Variants in BAG6 observed in about 807,000 individuals in gnomAD.
The protein encoded by BAG6 is large proline-rich protein BAG6.
Under a neutral mutation model 121.0 loss-of-function variants are expected in BAG6, and 22 were observed. The ratio of observed to expected loss-of-function variants is 0.18; its 90% CI spans 0.13 to 0.26. BAG6 has a LOEUF of 0.26. BAG6 is among the 10% of genes least tolerant of loss of function. The pLI is 1.00. For missense variants in BAG6, 1,233 were observed against 1,537.7 expected (o/e 0.80, Z 3.31); for synonymous variants, 583 against 584.6 (o/e 1.00, Z 0.04).
chr6:31,642,786 CG>C (rs1784249474), intron 15 of BAG6, 42 bp downstream of exon 15: 6 of 1,597,778 alleles, frequency 3.8e-6, no homozygotes, highest in Non-Finnish European at 4.3e-6. Flanking sequence ...CTGGCTGGGC[CG>C]GGGGACAGGA....
chr6:31,643,250 A>C, intron 14 of BAG6, 135 bp from the exon 15 acceptor site: 1 of 836,496 alleles, frequency 1.2e-6, no homozygotes, highest in Non-Finnish European at 1.8e-6. Flanking sequence ...CCCCATCTCT[A>C]CCAGAAAAAA....
chr6:31,643,260 A>C, intron 14 of BAG6, 145 bp from the exon 15 acceptor site: 3 of 803,666 alleles, frequency 3.7e-6, no homozygotes, highest in Non-Finnish European at 3.8e-6. Context: ...ACCAGAAAAA[A>C]AAAAAGACAA....
At chr6:31,643,786 T>A in intron 14 of BAG6, 104 bp downstream of exon 14, 2 of 866,668 alleles carry the variant, frequency 2.3e-6, no homozygotes, top group Admixed American at 2.4e-5. Context: ...GCAGCCCCAT[T>A]CCAGGAAAGC....
At position 31,645,530 on chromosome 6, in the gene BAG6, A is replaced by G; in HGVS notation, c.993T>C (p.Phe331=). 1.9e-6 allele frequency: 3 copies of G among 1,613,144 alleles called. No homozygotes were observed. Among genetic ancestry groups the G allele is most frequent in the Non-Finnish European group, 2.5e-6 (3 of 1,180,046 alleles). The change falls in exon 9 of 26, where the codon TTT becomes TTC. Residue 331 remains phenylalanine, a synonymous_variant. Transcript: ENST00000676615. ...GESLRLLGNT[F]VALSDLRCNL... ...TGCAGCGCAGGTCAGACAGTGCAAC[A>G]AAGGTGTTGCCCAGCAGTCGCAGGC... is the stretch of plus-strand genomic sequence containing the variant.
Position 31,644,260 on chromosome 6 carries a change from C to A in BAG6, c.1555+47G>T. 6.4e-7 allele frequency: 1 copy of A among 1,564,240 alleles called. No individual in the cohort carries two copies. The highest frequency in any genetic ancestry group is 8.7e-7 in the Non-Finnish European group (1 of 1,154,208). On this transcript the variant is annotated intron_variant, in intron 12 of 25. Coordinates refer to ENST00000676615, the MANE Select transcript of BAG6 (RefSeq NM_001387994.1). This position sits in a 1 kb window ranked among gnomAD's most constrained non-coding sequence, Gnocchi z 4.9. Reference sequence around the variant, plus strand: ...CCAGGCCCTTGCCAGCCAGCTGCCACCATGGACTGTGCCCTACCTCCCAAG... The same window carrying A: ...CCAGGCCCTTGCCAGCCAGCTGCCAACATGGACTGTGCCCTACCTCCCAAG...
Position 31,646,431 on chromosome 6 carries a change from A to G in BAG6, c.881T>C (p.Val294Ala). The G allele has an allele frequency of 6.2e-7, 1 of 1,612,872 alleles. No homozygotes were observed. Among genetic ancestry groups the G allele is most frequent in the Non-Finnish European group, 8.5e-7 (1 of 1,179,986 alleles). ...LQPFLQRYYE[V>A]LGAAATTDYN... ...GTCCGTGGTGGCAGCAGCACCCAGA[A>G]CCTCGTAGTAGCGCTGCAAGAAGGG... Residue 294 changes from valine to alanine, a missense_variant, in exon 8 of 26, where the codon GTT becomes GCT. Transcript: ENST00000676615.
rs745570214 is a variant in BAG6 at position 31,640,656 on chromosome 6, G to T, written c.2983C>A (p.Pro995Thr). 2 of 1,612,858 alleles carry T rather than the reference G, an allele frequency of 1.2e-6. No homozygotes were observed. Residue 995 changes from proline (P) to threonine (T), a missense_variant, in exon 22 of 26, where the codon CCT (proline) becomes ACT (threonine). By Grantham distance (38) the Pro-to-Thr change is conservative. Coordinates refer to ENST00000676615, the MANE Select transcript of BAG6 (RefSeq NM_001387994.1). This position sits in a 1 kb window ranked among gnomAD's most constrained non-coding sequence, Gnocchi z 4.2. ...CCTCTCTAGAGTACCTGAGGCTCAG[G>T]GGAAGCTCTTTCTGCTCCCTGAACT... ...MEVQGAERASPEPQRENASPA... is the reference protein window; with the variant it reads ...MEVQGAERASTEPQRENASPA...
chr6:31,651,413 C>A (rs1796582296), intron 2 of BAG6, among the ~76,000 whole-genome samples: 1 of 152,168 alleles, frequency 6.6e-6, no homozygotes, highest in African/African-American at 2.4e-5. Context: ...GTGGCACACG[C>A]CTATAATCCC....
Position 31,640,309 on chromosome 6 carries a change from G to T in BAG6, c.3139-3C>A. The T allele has an allele frequency of 6.2e-7, 1 of 1,614,176 alleles. No individual in the cohort carries two copies. Among genetic ancestry groups the T allele is most frequent in the Non-Finnish European group, 8.5e-7 (1 of 1,180,018 alleles). On this transcript the variant is annotated splice_region_variant and splice_polypyrimidine_tract_variant and intron_variant, in intron 23 of 25. Coordinates refer to ENST00000676615, the MANE Select transcript of BAG6 (RefSeq NM_001387994.1). This position sits in a 1 kb window ranked among gnomAD's most constrained non-coding sequence, Gnocchi z 4.2. ...TGCTGGATAATAGGGACCCATTCCT[G>T]GGGAGGAAAAGAGAAAATAGTAATG...
rs1789335924 is a variant in BAG6, at chr6:31,646,447, G to C, written c.865C>G (p.Gln289Glu). The C allele has an allele frequency of 6.2e-7, 1 of 1,612,982 alleles. No individual in the cohort carries two copies. The highest frequency in any genetic ancestry group is 1.3e-5 in the African/African-American group (1 of 75,020). The stretch of plus-strand genomic sequence containing the variant: ...GCACCCAGAACCTCGTAGTAGCGCT[G>C]CAAGAAGGGCTGGAGGCGACTCTCC... ...RLESRLQPFL[Q>E]RYYEVLGAAA... Residue 289 changes from glutamine to glutamate, a missense_variant, in exon 8 of 26, where the codon CAG (glutamine) becomes GAG (glutamate). This residue lies in a region of BAG6 where 777 missense variants were observed against 861.4 expected (regional missense o/e 0.90). Coordinates refer to ENST00000676615, the MANE Select transcript of BAG6 (RefSeq NM_001387994.1).
chr6:31,643,721 C>CAAAAAAAAAAAAAA lies in BAG6; in HGVS notation c.1756+155_1756+168dup, dbSNP rs9281540. Among the ~76,000 whole-genome samples the CAAAAAAAAAAAAAA allele has an allele frequency of 5.3e-4, 35 of 66,264 alleles. 2 individuals carry two copies. Among genetic ancestry groups the CAAAAAAAAAAAAAA allele is most frequent in the Non-Finnish European group, 6.5e-4 (26 of 39,984 alleles). The allele number at this position is 66,264 out of a possible 152,430, so 43.5% of individuals were successfully genotyped here. A position where few individuals can be genotyped will look rare whatever the true frequency, so the allele number is the denominator to read the frequency against. The stretch of plus-strand genomic sequence containing the variant: ...CTAGCAACAGAGTGAGACTCCATCT[C>CAAAAAAAAAAAAAA]AAAAAAAAAAAAAAAAAAAAAAAAA... On this transcript the variant is annotated intron_variant, in intron 14 of 25. Coordinates refer to ENST00000676615, the MANE Select transcript of BAG6 (RefSeq NM_001387994.1).
intron 14 of BAG6, 132 bp downstream of exon 14, chr6:31,643,758 A>C: frequency 1.6e-6 from 1 of 622,886 alleles, no homozygotes; most frequent in South Asian, 2.3e-5. Flanking sequence ...CTGAAACCTG[A>C]AGACACAAGA....
chr6:31,645,848 T>C (rs2150875692), intron 8 of BAG6, among the ~76,000 whole-genome samples: 1 of 152,362 alleles, frequency 6.6e-6, no homozygotes, highest in East Asian at 1.9e-4. Flanking sequence ...GTACTTTACA[T>C]TTTCTAAATT....
In BAG6 at chr6:31,643,856, T is replaced by C; in HGVS notation, c.1756+34A>G. Reference sequence around the variant, plus strand: ...GCCAGTGAGCAGACTAGGAAAGGAGTTTAAACTCTGAGTGGGGAAGAATGA... The same window carrying C: ...GCCAGTGAGCAGACTAGGAAAGGAGCTTAAACTCTGAGTGGGGAAGAATGA... On this transcript the variant is annotated intron_variant, in intron 14 of 25. Coordinates refer to ENST00000676615, the MANE Select transcript of BAG6 (RefSeq NM_001387994.1). 3.7e-6 allele frequency: 6 copies of C among 1,601,954 alleles called. No homozygotes were observed. In the Middle Eastern group the frequency reaches 1.0e-3, roughly 266 times the overall value.
intron 7 of BAG6, 134 bp from the exon 8 acceptor site, chr6:31,646,657 G>GA: frequency 8.6e-7 from 1 of 1,168,654 alleles, no homozygotes; most frequent in Non-Finnish European, 1.2e-6. Flanking sequence ...TGGACCAGCA[G>GA]AGCTTCTATT....
chr6:31,645,046 C>G lies in BAG6; in HGVS notation c.1269G>C (p.Pro423=). Residue 423 remains proline (P), a synonymous_variant, in exon 10 of 26, where the codon CCG becomes CCC. Transcript: ENST00000676615. ...TGGCTGGCGGGGGAGCTGGACCTGG[C>G]GGGGGAGCCCCCTCAGCTGAGGACT... ...NVESSAEGAP[P]PGPAPPPATS... is the part of the protein sequence containing the mutation. 6.2e-7 allele frequency: 1 copy of G among 1,612,638 alleles called. No individual in the cohort carries two copies. The highest frequency in any genetic ancestry group is 8.5e-7 in the Non-Finnish European group (1 of 1,179,840).
Position 31,647,828 on chromosome 6 carries a change from TG to T in BAG6, c.553-3del. The T allele has an allele frequency of 6.5e-7, 1 of 1,537,740 alleles. No individual in the cohort carries two copies. The highest frequency in any genetic ancestry group is 8.7e-7 in the Non-Finnish European group (1 of 1,147,004). ...CTGCGGTTGGGGCCCTCCTCGACAC[TG>T]AAGGTAGGGGAGAGTCAGGATACCA... On this transcript the variant is annotated splice_region_variant and splice_polypyrimidine_tract_variant and intron_variant, in intron 6 of 25. Coordinates refer to ENST00000676615, the MANE Select transcript of BAG6 (RefSeq NM_001387994.1).
Position 31,642,813 on chromosome 6 carries a change from C to T in BAG6, c.2043+16G>A. 1 of 1,607,778 alleles carries T rather than the reference C, an allele frequency of 6.2e-7. No homozygotes were observed. The highest frequency in any genetic ancestry group is 8.5e-7 in the Non-Finnish European group (1 of 1,177,446). On this transcript the variant is annotated intron_variant, in intron 15 of 25. Transcript: ENST00000676615. ...GGGGACAGGAAGATGAGGTGAATGG[C>T]AAGCCAGCCACTCACCTGCAAGAAG...
In BAG6 at chr6:31,651,538, C is replaced by CAAAAAAAAAGA. The variant is rs148181699; in HGVS notation, c.108+117_108+118insTCTTTTTTTTT. The CAAAAAAAAAGA allele has an allele frequency of 3.2e-6, 3 of 927,252 alleles. No individual in the cohort carries two copies. The East Asian group carries it at 7.5e-5, about 23-fold the overall frequency. 57.4% of individuals were successfully genotyped at this position (927,252 alleles called of 1,614,324 possible). ...TGGAAGACAGGGCGTGACTCCATCT[C>CAAAAAAAAAGA]AAAAAAAAGAAAAAAAAAGAAAATC... On this transcript the variant is annotated intron_variant, in intron 2 of 25. Transcript: ENST00000676615.
Sources: allele counts gnomAD v4.1 joint callset (sites outside exome capture counted in the v4.1 genomes callset), GRCh38; gene constraint gnomAD v4.1.1; regional missense constraint gnomAD v4.1.1; non-coding constraint Gnocchi (gnomAD v3.1); transcripts MANE v1.5; gene names NCBI Gene and HGNC (gene_info 2026-07-23, HGNC 2026-07-21).